Variants in NIM1K observed in about 807,000 individuals in gnomAD.
NIM1K encodes serine/threonine-protein kinase NIM1.
Under a neutral mutation model 37.1 loss-of-function variants are expected in NIM1K, and 35 were observed. That is an observed-to-expected ratio of 0.94 (90% confidence interval 0.72 to 1.25). The LOEUF is 1.25. Among genes scored for constraint, NIM1K ranks in the 50% most tolerant of loss-of-function variants. The pLI is 0.00. For missense variants in NIM1K, 564 were observed against 548.0 expected, an observed-to-expected ratio of 1.03 and a Z score of -0.29; for synonymous variants, 234 against 206.6, an observed-to-expected ratio of 1.13 and a Z score of -1.14.
chr5:43,261,689 C>A (rs1159885863), intron 2 of NIM1K, among the ~76,000 whole-genome samples: 2 of 152,016 alleles, frequency 1.3e-5, no homozygotes, highest in Non-Finnish European at 2.9e-5. Context: ...TTGCCCATGC[C>A]TATGTCCTGA....
intron 1 of NIM1K, among the ~76,000 whole-genome samples, chr5:43,209,412 G>C (rs1182180448): frequency 6.6e-6 from 1 of 152,094 alleles, no homozygotes; most frequent in Non-Finnish European, 1.5e-5. Context: ...GAACAAACTT[G>C]CCTTTGTTTC....
intron 1 of NIM1K, among the ~76,000 whole-genome samples, chr5:43,225,106 A>C (rs1278980070): frequency 6.6e-6 from 1 of 152,114 alleles, no homozygotes; most frequent in African/African-American, 2.4e-5. Context: ...GATTGACTAT[A>C]TATTCTTAAG....
At chr5:43,232,216 G>A in intron 1 of NIM1K, 1 of 1,011,986 alleles carries the variant, frequency 9.9e-7, no homozygotes, top group South Asian at 1.3e-5. Context: ...TGTCACCACG[G>A]TAAAACAGGC....
At chr5:43,235,254 T>A (rs1043298096) in intron 1 of NIM1K, among the ~76,000 whole-genome samples, 4 of 152,230 alleles carry the variant, frequency 2.6e-5, no homozygotes, top group Non-Finnish European at 5.9e-5. Context: ...AATTCTTCAT[T>A]TTAAATTAGA....
chr5:43,257,404 G>A (rs1272521160), intron 2 of NIM1K, among the ~76,000 whole-genome samples: 1 of 118,450 alleles, frequency 8.4e-6, no homozygotes, highest in Non-Finnish European at 1.6e-5. Context: ...GTCTCGCTCT[G>A]TCACCCAGGC....
At chr5:43,266,166 A>G (rs1753152966) in intron 2 of NIM1K, among the ~76,000 whole-genome samples, 1 of 152,202 alleles carries the variant, frequency 6.6e-6, no homozygotes, top group Non-Finnish European at 1.5e-5. Flanking sequence ...AGGGATGTTT[A>G]AGTCTGCAGA....
chr5:43,271,931 C>G (rs1397892248), intron 2 of NIM1K, among the ~76,000 whole-genome samples: 1 of 152,158 alleles, frequency 6.6e-6, no homozygotes, highest in African/African-American at 2.4e-5. Context: ...CAGTAGTAAC[C>G]TTTTAGGATT....
At chr5:43,275,573 G>A (rs1753325424) in intron 2 of NIM1K, among the ~76,000 whole-genome samples, 1 of 152,226 alleles carries the variant, frequency 6.6e-6, no homozygotes, top group African/African-American at 2.4e-5. Context: ...CCAGCACGCT[G>A]TCAACACTGG....
At position 43,200,529 on chromosome 5, in the gene NIM1K, C is replaced by T. The variant is rs376245962; in HGVS notation, c.-695+8118C>T. 7.3e-5 allele frequency among the ~76,000 whole-genome samples: 11 copies of T among 150,796 alleles called. No homozygotes were observed. The South Asian group carries it at 2.3e-3, about 32-fold the overall frequency. ...GTTAGCCAGGATGGTCTTGACCTCC[C>T]GACCTCGTGATCTGCCCGCCTCAGC... is the stretch of plus-strand genomic sequence containing the variant. On this transcript the variant is annotated intron_variant, in intron 1 of 3. Transcript: ENST00000326035.
At position 43,267,173 on chromosome 5, in the gene NIM1K, C is replaced by T. The variant is rs141796198; in HGVS notation, c.293-9884C>T. On this transcript the variant is annotated intron_variant, in intron 2 of 3. Transcript: ENST00000326035. ...GTCTGCTCAGGATTTCTATTTCTTC[C>T]TGATTTAATCTGGGATGGTTGTAAA... 4.7e-3 allele frequency among the ~76,000 whole-genome samples: 713 copies of T among 152,246 alleles called. 12 individuals are homozygous for T. The highest frequency in any genetic ancestry group is 0.016 in the African/African-American group (683 of 41,542).
intron 1 of NIM1K, among the ~76,000 whole-genome samples, chr5:43,220,526 C>T (rs1561077435): frequency 2.0e-5 from 3 of 152,112 alleles, no homozygotes; most frequent in Admixed American, 6.5e-5. Context: ...GGTGATCCGC[C>T]CGCCTTGGCC....
At chr5:43,206,171 G>C (rs901087715) in intron 1 of NIM1K, among the ~76,000 whole-genome samples, 4 of 152,118 alleles carry the variant, frequency 2.6e-5, no homozygotes, top group African/African-American at 9.7e-5. Context: ...TTCAAAGTGT[G>C]AGCAGAGTTC....
intron 1 of NIM1K, chr5:43,232,264 C>T: frequency 1.8e-6 from 2 of 1,099,298 alleles, no homozygotes; most frequent in Non-Finnish European, 2.8e-6. Flanking sequence ...GCTCACATTT[C>T]ATCATCTGGT....
chr5:43,263,712 T>C (rs1024836902), intron 2 of NIM1K, among the ~76,000 whole-genome samples: 2 of 152,222 alleles, frequency 1.3e-5, no homozygotes, highest in African/African-American at 2.4e-5. Context: ...ATTGTGATGT[T>C]AGGGTGTCAA....
chr5:43,229,073 A>C (rs995327902), intron 1 of NIM1K, among the ~76,000 whole-genome samples: 1 of 152,226 alleles, frequency 6.6e-6, no homozygotes, highest in East Asian at 1.9e-4. Context: ...TTTCTTTAAC[A>C]TGACCAGTCC....
At chr5:43,216,113 G>A (rs1029415111) in intron 1 of NIM1K, among the ~76,000 whole-genome samples, 11 of 152,136 alleles carry the variant, frequency 7.2e-5, no homozygotes, top group African/African-American at 2.7e-4. Flanking sequence ...ATAAAGAAAT[G>A]TAAATACCCT....
chr5:43,249,929 T>C (rs948667644), intron 2 of NIM1K, among the ~76,000 whole-genome samples: 1 of 144,344 alleles, frequency 6.9e-6, no homozygotes, highest in Non-Finnish European at 1.5e-5. Flanking sequence ...CTTGGCTCAC[T>C]GCAAGCTCTG....
chr5:43,234,314 G>A (rs207465968), intron 1 of NIM1K, among the ~76,000 whole-genome samples: 6 of 152,012 alleles, frequency 3.9e-5, no homozygotes, highest in Admixed American at 6.6e-5. Flanking sequence ...GTTGTAAAAC[G>A]CCTAGCATCT....
At chr5:43,209,235 A>T (rs1752169595) in intron 1 of NIM1K, among the ~76,000 whole-genome samples, 1 of 152,198 alleles carries the variant, frequency 6.6e-6, no homozygotes, top group African/African-American at 2.4e-5. Flanking sequence ...GTTTGTAAAC[A>T]TTGTAATGCC....
Sources: gnomAD v4.1 joint callset for allele counts (sites outside exome capture counted in the v4.1 genomes callset) on GRCh38, gnomAD v4.1.1 for gene constraint, MANE v1.5 for transcripts, NCBI Gene and HGNC (gene_info 2026-07-23, HGNC 2026-07-21) for gene names.